Variants in GNPAT observed in about 807,000 individuals in gnomAD.
GNPAT encodes glyceronephosphate O-acyltransferase, also known as dihydroxyacetone phosphate acyltransferase.
GNPAT carries 30 observed loss-of-function variants against 78.4 expected under a neutral mutation model. The ratio of observed to expected loss-of-function variants is 0.38; its 90% CI spans 0.29 to 0.52. The LOEUF is 0.52. Ranked by LOEUF, GNPAT falls within the 20% of genes least tolerant of loss-of-function variation. The probability of loss-of-function intolerance (pLI) is 0.84; values close to 1 mark genes in which losing one functional copy is unlikely to be tolerated. For missense variants in GNPAT, 714 were observed against 812.2 expected (o/e 0.88, Z 1.47); for synonymous variants, 271 against 281.1 (o/e 0.96, Z 0.36).
At chr1:231,264,928 C>G (rs542321) in intron 4 of GNPAT, among the ~76,000 whole-genome samples, 82,262 of 152,150 alleles carry the variant, frequency 0.54, 22,415 homozygotes, top group East Asian at 0.62. Flanking sequence ...ACAAGGTAAC[C>G]TCCCAGTGAG....
At chr1:231,265,938 G>T in intron 6 of GNPAT, 76 bp from the exon 7 acceptor site, 1 of 1,235,316 alleles carries the variant, frequency 8.1e-7, no homozygotes, top group Non-Finnish European at 1.2e-6. Flanking sequence ...TATGCTTTTA[G>T]TATTTTCCGT....
rs1354172161 is a variant in GNPAT, at chr1:231,277,742, G to C, written c.*200G>C. ...CCACCACAGTGGTTAAAAGGCGTTT[G>C]TATCTGACACTATGTGTGTGTTTTA... is the stretch of plus-strand genomic sequence containing the variant. On this transcript the variant is annotated 3_prime_UTR_variant, in exon 16 of 16. Transcript: ENST00000366647. The C allele has an allele frequency of 1.7e-6, 1 of 576,384 alleles. No homozygotes were observed. Among genetic ancestry groups the C allele is most frequent in the Non-Finnish European group, 3.1e-6 (1 of 321,062 alleles). 35.7% of individuals were successfully genotyped at this position (576,384 alleles called of 1,614,324 possible). A position where few individuals can be genotyped will look rare whatever the true frequency, so the allele number is the denominator to read the frequency against.
At chr1:231,264,783 G>A (rs1251686314) in intron 4 of GNPAT, among the ~76,000 whole-genome samples, 1 of 152,184 alleles carries the variant, frequency 6.6e-6, no homozygotes, top group Non-Finnish European at 1.5e-5. Flanking sequence ...AGCATGAAGG[G>A]CACATATTGG....
intron 4 of GNPAT, among the ~76,000 whole-genome samples, chr1:231,265,019 T>C (rs1441522135): frequency 2.0e-5 from 3 of 152,226 alleles, no homozygotes; most frequent in Admixed American, 6.5e-5. Context: ...TATAATAATA[T>C]CATAGGGGTG....
chr1:231,251,919 A>G (rs926759235), intron 2 of GNPAT, among the ~76,000 whole-genome samples: 8 of 152,190 alleles, frequency 5.3e-5, no homozygotes, highest in Non-Finnish European at 1.0e-4. Context: ...GTTTACTTTC[A>G]CTGTACTGAA....
At chr1:231,241,481 C>G (rs779586769) in intron 1 of GNPAT, 25 bp downstream of exon 1, 1 of 1,538,592 alleles carries the variant, frequency 6.5e-7, no homozygotes, top group East Asian at 2.2e-5. Context: ...AAAAGAGGCC[C>G]AGAGCGGAGC....
chr1:231,267,931 A>T (rs1685437760), intron 9 of GNPAT, 28 bp downstream of exon 9: 1 of 1,307,672 alleles, frequency 7.6e-7, no homozygotes, highest in Non-Finnish European at 1.1e-6. Context: ...ATGTGTTGAG[A>T]ATGCTTGCTT....
chr1:231,270,634 A>C, intron 9 of GNPAT, 124 bp from the exon 10 acceptor site: 4 of 913,642 alleles, frequency 4.4e-6, no homozygotes, highest in Non-Finnish European at 7.3e-6. Context: ...TAATTGGTAG[A>C]CAGTAAAACC....
In GNPAT at chr1:231,267,692, G is replaced by C. The variant is rs199698753; in HGVS notation, c.1068G>C (p.Gln356His). The part of the protein sequence containing the change: ...SYNLVPRYIP[Q>H]KQSEDMHAFV... ...CTCTTCCTTTTAGATACATTCCTCA[G>C]AAACAGTCTGAGGACATGCATGCCT... The change falls in exon 9 of 16, where the codon CAG (glutamine) becomes CAC (histidine). Residue 356 changes from glutamine (Q) to histidine (H), a missense_variant. By Grantham distance (24) the Gln-to-His change is conservative (BLOSUM62 0). Transcript: ENST00000366647. The C allele has an allele frequency of 3.1e-5, 49 of 1,582,834 alleles. No individual in the cohort carries two copies. The highest frequency in any genetic ancestry group is 4.0e-5 in the Non-Finnish European group (46 of 1,151,660).
intron 2 of GNPAT, among the ~76,000 whole-genome samples, chr1:231,252,972 T>C (rs759105178): frequency 6.6e-6 from 1 of 152,120 alleles, no homozygotes; most frequent in East Asian, 1.9e-4. Context: ...TTGTTTTATT[T>C]TGTTTTGTTT....
intron 11 of GNPAT, 70 bp from the exon 12 acceptor site, chr1:231,273,852 G>A: frequency 8.3e-7 from 1 of 1,204,938 alleles, no homozygotes; most frequent in Admixed American, 1.7e-5. Flanking sequence ...AGATGAGGGG[G>A]TACATGTATT....
chr1:231,272,287 T>C (rs1449226754), intron 10 of GNPAT, 25 bp from the exon 11 acceptor site: 1 of 1,311,146 alleles, frequency 7.6e-7, no homozygotes, highest in Non-Finnish European at 1.1e-6. Flanking sequence ...AATGTTGTAA[T>C]TTTACATGAT....
intron 2 of GNPAT, among the ~76,000 whole-genome samples, chr1:231,256,479 CTTTTTTTT>C (rs10693276): frequency 4.0e-5 from 3 of 75,902 alleles, no homozygotes; most frequent in East Asian, 4.5e-4. Flanking sequence ...CTAATTTTCT[CTTTTTTTT>C]TTTTTTTTTT....
intron 1 of GNPAT, among the ~76,000 whole-genome samples, chr1:231,250,103 TA>T (rs1558325410): frequency 6.8e-6 from 1 of 146,982 alleles, no homozygotes. Flanking sequence ...TTATTATTAT[TA>T]TTATTTTATT....
chr1:231,274,655 AG>A (rs1166463338), intron 12 of GNPAT, among the ~76,000 whole-genome samples: 1 of 152,162 alleles, frequency 6.6e-6, no homozygotes, highest in African/African-American at 2.4e-5. Context: ...TTGAGAGAAG[AG>A]GATGCTGTGA....
At chr1:231,273,403 C>G (rs1256058758) in intron 11 of GNPAT, among the ~76,000 whole-genome samples, 1 of 151,940 alleles carries the variant, frequency 6.6e-6, no homozygotes, top group Non-Finnish European at 1.5e-5. Context: ...AGGCGCCCAC[C>G]ACTACGCCCG....
chr1:231,241,444 G>T lies in GNPAT; in HGVS notation c.66G>T (p.Val22=), dbSNP rs1558321001. Residue 22 remains valine (V), a synonymous_variant, in exon 1 of 16, where the codon GTG becomes GTT. Transcript: ENST00000366647. ...GCCCAACCAGTCCCAGCGCTGTCGT[G>T]CTCCTCTACTCGGTAGGCGCCCAGG... is the stretch of plus-strand genomic sequence containing the variant. ...SVGPTSPSAV[V]LLYSKELKKW... 5.0e-6 allele frequency: 8 copies of T among 1,612,272 alleles called. No individual in the cohort carries two copies. Among genetic ancestry groups the T allele is most frequent in the Non-Finnish European group, 6.8e-6 (8 of 1,178,380 alleles).
At chr1:231,251,698 A>G (rs1457990749) in intron 2 of GNPAT, among the ~76,000 whole-genome samples, 1 of 152,204 alleles carries the variant, frequency 6.6e-6, no homozygotes, top group African/African-American at 2.4e-5. Context: ...AAAGTATAGC[A>G]AAGTTTGGGA....
chr1:231,252,545 GTCCCGC>G (rs1684926796), intron 2 of GNPAT, among the ~76,000 whole-genome samples: 1 of 152,170 alleles, frequency 6.6e-6, no homozygotes. Flanking sequence ...CTGGGGCTTG[GTCCCGC>G]CCAGATCCTC....
Sources: gnomAD v4.1 joint callset for allele counts (sites outside exome capture counted in the v4.1 genomes callset) on GRCh38, gnomAD v4.1.1 for gene constraint, MANE v1.5 for transcripts, NCBI Gene and HGNC (gene_info 2026-07-23, HGNC 2026-07-21) for gene names.